Variants in SPATA3 observed in about 807,000 individuals in gnomAD.
SPATA3 encodes spermatogenesis associated 3.
A neutral mutation model predicts 5.7 loss-of-function variants in SPATA3; 6 were observed. The observed-to-expected ratio is 1.06, with a 90% confidence interval of 0.58 to 2.09. The LOEUF (loss-of-function observed/expected upper bound fraction) is 2.09. SPATA3 is among the 30% of genes most tolerant of loss of function. SPATA3 has a pLI of 0.00. For synonymous variants in SPATA3, 44 were observed against 48.4 expected (o/e 0.91, Z 0.37); for missense variants, 155 against 130.4 (o/e 1.19, Z -0.92).
Position 231,018,955 on chromosome 2 carries a change from T to C in SPATA3, c.*566-765T>C, listed in dbSNP as rs148215146. On this transcript the variant is annotated intron_variant, in intron 6 of 8. Coordinates refer to the SPATA3 transcript ENST00000452881. The stretch of plus-strand genomic sequence containing the variant: ...CCCGCCTCAGCCACCGTGCCTGGCC[T>C]GATTTTTCTTTTTCTTTTTTTTTTT... 9.3e-3 allele frequency among the ~76,000 whole-genome samples: 1,294 copies of C among 139,404 alleles called. 11 individuals are homozygous for C. Among genetic ancestry groups the C allele is most frequent in the Non-Finnish European group, 0.014 (904 of 65,618 alleles). 91.5% of individuals were successfully genotyped at this position (139,404 alleles called of 152,430 possible).
intron 6 of SPATA3, among the ~76,000 whole-genome samples, chr2:231,015,129 GA>G (rs1692896403): frequency 6.6e-6 from 1 of 152,124 alleles, no homozygotes; most frequent in Non-Finnish European, 1.5e-5. Context: ...CCCAACTGAG[GA>G]GAGAGGGAGC....
At chr2:230,997,312 T>G (rs1418500655) in intron 1 of SPATA3, among the ~76,000 whole-genome samples, 1 of 152,198 alleles carries the variant, frequency 6.6e-6, no homozygotes, top group Non-Finnish European at 1.5e-5. Flanking sequence ...TGCCGCCATG[T>G]GAGATGTGCC....
intron 6 of SPATA3, among the ~76,000 whole-genome samples, chr2:231,014,721 G>A (rs1269751105): frequency 6.6e-6 from 1 of 152,142 alleles, no homozygotes; most frequent in East Asian, 1.9e-4. Flanking sequence ...AGGCCACAGT[G>A]GGAGCACTGG....
At chr2:231,014,111 G>A (rs149978224) in exon 6 of SPATA3, 169 of 152,294 alleles carry the variant, frequency 1.1e-3, no homozygotes, top group African/African-American at 3.9e-3. Context: ...GTAGCTCAAA[G>A]AAGGGGTTAA....
chr2:231,010,349 A>G (rs1202961778), downstream of SPATA3, among the ~76,000 whole-genome samples: 1 of 152,214 alleles, frequency 6.6e-6, no homozygotes, highest in Admixed American at 6.5e-5. Flanking sequence ...CTATGTGGGG[A>G]ACCCAGCAAG....
At chr2:231,011,359 C>T (rs2125120273), downstream of SPATA3, among the ~76,000 whole-genome samples, 1 of 152,246 alleles carries the variant, frequency 6.6e-6, no homozygotes, top group South Asian at 2.1e-4. Context: ...AAGTGATCTG[C>T]CCACCTCAGC....
Position 231,015,265 on chromosome 2 carries a change from T to TTTTC in SPATA3, c.*565+1056_*565+1057insCTTT, listed in dbSNP as rs767689206. Among the ~76,000 whole-genome samples the TTTTC allele has an allele frequency of 3.6e-4, 50 of 137,716 alleles. 1 individual carries two copies. The highest frequency in any genetic ancestry group is 1.3e-3 in the African/African-American group (49 of 37,990). The allele number at this position is 137,716 out of a possible 152,430, so 90.3% of individuals were successfully genotyped here. A position where few individuals can be genotyped will look rare whatever the true frequency, so the allele number is the denominator to read the frequency against. On this transcript the variant is annotated intron_variant, in intron 6 of 8. Transcript: ENST00000452881. ...GCTAACTATCGTTTTGGCTTTTTTT[T>TTTTC]TTTTTTTTTTTTTTGGTAGAAACAG...
chr2:230,999,363 G>A (rs1692259556), intron 1 of SPATA3, among the ~76,000 whole-genome samples: 2 of 152,104 alleles, frequency 1.3e-5, no homozygotes, highest in Admixed American at 1.3e-4. Context: ...CTCTAAAAGG[G>A]TGAATTTTAT....
chr2:231,000,305 T>C (rs372549013), intron 1 of SPATA3, 61 bp from the exon 2 acceptor site: 3 of 1,371,958 alleles, frequency 2.2e-6, no homozygotes, highest in African/African-American at 1.5e-5. Flanking sequence ...TGTTCCAGAC[T>C]CCCCCGCCCC....
intron 6 of SPATA3, among the ~76,000 whole-genome samples, chr2:231,018,126 T>C (rs898533401): frequency 2.0e-5 from 3 of 152,112 alleles, no homozygotes; most frequent in African/African-American, 7.2e-5. Flanking sequence ...GGTTTCAACA[T>C]GTTGGTCAGG....
chr2:231,009,607 C>A (rs948493337), downstream of SPATA3, among the ~76,000 whole-genome samples: 5 of 152,224 alleles, frequency 3.3e-5, no homozygotes, highest in African/African-American at 9.6e-5. Context: ...TGCATTGTGG[C>A]TCACGTTGCC....
chr2:231,017,744 C>G (rs1692969269), intron 6 of SPATA3, among the ~76,000 whole-genome samples: 1 of 152,178 alleles, frequency 6.6e-6, no homozygotes, highest in Non-Finnish European at 1.5e-5. Flanking sequence ...GCTGCAGACA[C>G]AGGATAGCTC....
At chr2:231,011,387 GCCTCCGCACC>G (rs1692784089), downstream of SPATA3, among the ~76,000 whole-genome samples, 1 of 152,132 alleles carries the variant, frequency 6.6e-6, no homozygotes, top group Non-Finnish European at 1.5e-5. Flanking sequence ...AGTACTGGGA[GCCTCCGCACC>G]CGGTCCAGTT....
chr2:231,000,458 C>T (rs928029625), exon 2 of SPATA3: 19 of 1,550,092 alleles, frequency 1.2e-5, no homozygotes, highest in South Asian at 2.4e-5. Flanking sequence ...ATGCCATAGC[C>T]GCATCTTCGA....
downstream of SPATA3, among the ~76,000 whole-genome samples, chr2:231,006,526 A>AAGAT (rs1692631520): frequency 2.0e-5 from 3 of 152,086 alleles, no homozygotes; most frequent in Admixed American, 2.0e-4. Context: ...GAAAGAAAGA[A>AAGAT]AAAGAAAAGA....
At chr2:231,001,882 A>G (rs1692365404) in intron 2 of SPATA3, among the ~76,000 whole-genome samples, 1 of 152,172 alleles carries the variant, frequency 6.6e-6, no homozygotes. Flanking sequence ...AGGTTCCAAC[A>G]GGAACAGGCT....
At chr2:231,000,068 T>A (rs985382594) in intron 1 of SPATA3, among the ~76,000 whole-genome samples, 3 of 152,186 alleles carry the variant, frequency 2.0e-5, no homozygotes, top group Admixed American at 2.0e-4. Flanking sequence ...TCCATCATCA[T>A]CATCGTTGTT....
chr2:230,996,658 G>C, intron 1 of SPATA3, 124 bp downstream of exon 1: 3 of 1,277,998 alleles, frequency 2.3e-6, no homozygotes, highest in Non-Finnish European at 3.2e-6. Flanking sequence ...CTGTGCTGTA[G>C]AGTGGGAAGG....
chr2:230,996,678 T>G lies in SPATA3; in HGVS notation c.791-3688T>G. On this transcript the variant is annotated intron_variant, in intron 1 of 2. Coordinates refer to ENST00000645363, the Ensembl canonical transcript of SPATA3. ...CTGTAGAGTGGGAAGGTTTTTGTTT[T>G]TGTTTCTACCCAAGAGACCAGGATT... 3 of 1,144,610 alleles carry G rather than the reference T, an allele frequency of 2.6e-6. No homozygotes were observed. The South Asian group carries it at 4.9e-5, about 19-fold the overall frequency. 70.9% of individuals were successfully genotyped at this position (1,144,610 alleles called of 1,614,324 possible). A position where few individuals can be genotyped will look rare whatever the true frequency, so the allele number is the denominator to read the frequency against.
Sources: gnomAD v4.1 joint callset for allele counts (sites outside exome capture counted in the v4.1 genomes callset) on GRCh38, gnomAD v4.1.1 for gene constraint, MANE v1.5 for transcripts, NCBI Gene and HGNC (gene_info 2026-07-23, HGNC 2026-07-21) for gene names.